Variants in ZFYVE28 observed in about 807,000 individuals in gnomAD.
ZFYVE28 encodes the protein zinc finger FYVE-type containing 28, also known as lateral signaling target protein 2 homolog.
Under a neutral mutation model 82.1 loss-of-function variants are expected in ZFYVE28, and 40 were observed. The ratio of observed to expected loss-of-function variants is 0.49; its 90% CI spans 0.38 to 0.63. The LOEUF (loss-of-function observed/expected upper bound fraction) is 0.63. ZFYVE28 is among the 30% of genes least tolerant of loss of function. The probability of loss-of-function intolerance (pLI) is 0.00; values close to 1 mark genes in which losing one functional copy is unlikely to be tolerated. For missense variants in ZFYVE28, 1,321 were observed against 1,242.1 expected, an observed-to-expected ratio of 1.06 and a Z score of -0.96; for synonymous variants, 612 against 546.1, an observed-to-expected ratio of 1.12 and a Z score of -1.68.
intron 8 of ZFYVE28, among the ~76,000 whole-genome samples, chr4:2,276,075 G>T (rs760517388): frequency 6.6e-6 from 1 of 152,244 alleles, no homozygotes; most frequent in Non-Finnish European, 1.5e-5. Context: ...ACACAGCCTC[G>T]TGACGTAAAC....
intron 1 of ZFYVE28, among the ~76,000 whole-genome samples, chr4:2,403,425 G>A (rs370202928): frequency 9.9e-4 from 151 of 152,356 alleles, no homozygotes; most frequent in African/African-American, 3.1e-3. Context: ...CTCGGAGCAC[G>A]GCCCTGGCCA....
At chr4:2,330,976 T>C (rs1244954142) in intron 6 of ZFYVE28, 1 of 1,533,866 alleles carries the variant, frequency 6.5e-7, no homozygotes, top group South Asian at 1.2e-5. Context: ...CTGAAGAGGA[T>C]CCGGCAACCA....
chr4:2,342,987 T>C (rs1032845311), intron 2 of ZFYVE28: 6 of 152,256 alleles, frequency 3.9e-5, no homozygotes, highest in African/African-American at 1.4e-4. Context: ...TCTGCTGTTG[T>C]AGCTGCTGCA....
chr4:2,412,195 G>A (rs1174533879), intron 1 of ZFYVE28, among the ~76,000 whole-genome samples: 1 of 152,200 alleles, frequency 6.6e-6, no homozygotes, highest in Non-Finnish European at 1.5e-5. Context: ...AGGGGTGGCA[G>A]GCCCCCACTG....
chr4:2,290,917 A>G (rs2108810971), intron 8 of ZFYVE28, among the ~76,000 whole-genome samples: 1 of 152,336 alleles, frequency 6.6e-6, no homozygotes, highest in Middle Eastern at 3.4e-3. Flanking sequence ...TCTTGAAAAG[A>G]TCCCACTATT....
chr4:2,337,725 G>A (rs1312251148), intron 4 of ZFYVE28, among the ~76,000 whole-genome samples: 5 of 152,230 alleles, frequency 3.3e-5, no homozygotes, highest in East Asian at 3.9e-4. Flanking sequence ...TAAAAAAGTC[G>A]GGTGTGGTGG....
Position 2,416,143 on chromosome 4 carries a change from G to A in ZFYVE28, c.39+2142C>T, listed in dbSNP as rs1022077235. 3.9e-5 allele frequency among the ~76,000 whole-genome samples: 6 copies of A among 152,372 alleles called. No homozygotes were observed. Among genetic ancestry groups the A allele is most frequent in the Admixed American group, 3.3e-4 (5 of 15,310 alleles). ...TGCCCGCCGCCTGCCTGGAAAGGCAGCTGCCTGCTGAAGAGGAAAAGTTGG... is the reference window on the plus strand; with the variant it reads ...TGCCCGCCGCCTGCCTGGAAAGGCAACTGCCTGCTGAAGAGGAAAAGTTGG... On this transcript the variant is annotated intron_variant, in intron 1 of 12. Transcript: ENST00000290974. The surrounding 1 kb of genome is among the most constrained non-coding windows in gnomAD (Gnocchi z 4.6).
At chr4:2,352,680 A>G (rs952280926) in intron 2 of ZFYVE28, among the ~76,000 whole-genome samples, 2 of 152,136 alleles carry the variant, frequency 1.3e-5, no homozygotes, top group Non-Finnish European at 2.9e-5. Context: ...ACGGTGATAC[A>G]TCCCAATTAA....
At chr4:2,365,178 G>A (rs1318600673) in intron 1 of ZFYVE28, among the ~76,000 whole-genome samples, 3 of 151,866 alleles carry the variant, frequency 2.0e-5, no homozygotes, top group Admixed American at 2.0e-4. Context: ...GGGGAGGCGC[G>A]GGCGGCAGGG....
chr4:2,310,812 A>T (rs890600679), intron 7 of ZFYVE28, among the ~76,000 whole-genome samples: 4 of 152,206 alleles, frequency 2.6e-5, no homozygotes, highest in African/African-American at 4.8e-5. Flanking sequence ...CAATAATTAT[A>T]AAAAAAGTTA....
chr4:2,287,539 C>T (rs12498586), intron 8 of ZFYVE28: 14,451 of 152,308 alleles, frequency 0.095, 989 homozygotes, highest in Admixed American at 0.19. Context: ...TGCGAGGAGG[C>T]GTTGATTTGC....
At position 2,306,747 on chromosome 4, in the gene ZFYVE28, G is replaced by A. The variant is rs148209099; in HGVS notation, c.804-1211C>T. 4.9e-3 allele frequency: 739 copies of A among 152,314 alleles called. 8 individuals carry two copies. The highest frequency in any genetic ancestry group is 0.017 in the African/African-American group (695 of 41,558). The allele number at this position is 152,314 out of a possible 1,614,324, so 9.4% of individuals were successfully genotyped here. A position where few individuals can be genotyped will look rare whatever the true frequency, so the allele number is the denominator to read the frequency against. On this transcript the variant is annotated intron_variant, in intron 7 of 12. Coordinates refer to ENST00000290974, the MANE Select transcript of ZFYVE28 (RefSeq NM_020972.3). ...AAATTCTAACTGAACTGGGCTTTCT[G>A]CTGTTGTATTACTAGATCTGGCAAC...
At chr4:2,368,797 A>G (rs984656387) in intron 1 of ZFYVE28, among the ~76,000 whole-genome samples, 1 of 152,342 alleles carries the variant, frequency 6.6e-6, no homozygotes, top group East Asian at 1.9e-4. Flanking sequence ...TTGTGGGGAC[A>G]TATGTTTTCA....
At chr4:2,353,835 A>AG in intron 2 of ZFYVE28, 98 bp downstream of exon 2, 1 of 1,275,490 alleles carries the variant, frequency 7.8e-7, no homozygotes, top group South Asian at 2.5e-5. Context: ...ACGCCACCAC[A>AG]GGGGGCCAGC....
chr4:2,272,870 G>A (rs1238497671), intron 10 of ZFYVE28, among the ~76,000 whole-genome samples: 1 of 152,256 alleles, frequency 6.6e-6, no homozygotes, highest in Non-Finnish European at 1.5e-5. Context: ...AGAAGCCGGG[G>A]CTGTGGGCAC....
Position 2,274,207 on chromosome 4 carries a change from T to C in ZFYVE28, c.2061A>G (p.Thr687=), listed in dbSNP as rs1736187632. 3.1e-6 allele frequency: 5 copies of C among 1,613,172 alleles called. No individual in the cohort carries two copies. Among genetic ancestry groups the C allele is most frequent in the Non-Finnish European group, 4.2e-6 (5 of 1,179,576 alleles). The change falls in exon 9 of 13, where the codon ACA becomes ACG. Residue 687 remains threonine (T), a synonymous_variant. Transcript: ENST00000290974. The part of the protein sequence containing the change: ...PQALSGSSSS[T]AGSCSSDKMG... The stretch of plus-strand genomic sequence containing the variant: ...TCTTGTCTGAGGAGCAGGACCCAGC[T>C]GTGGAGCTGCTGCATGGAGAAGGAG...
At chr4:2,399,921 G>T (rs769525610) in intron 1 of ZFYVE28, among the ~76,000 whole-genome samples, 1 of 152,220 alleles carries the variant, frequency 6.6e-6, no homozygotes, top group Admixed American at 6.5e-5. Context: ...AGGGCAGGGC[G>T]CCCACCGTGG....
chr4:2,298,988 C>T (rs1307678744), intron 8 of ZFYVE28, among the ~76,000 whole-genome samples: 1 of 152,146 alleles, frequency 6.6e-6, no homozygotes, highest in African/African-American at 2.4e-5. Flanking sequence ...GCACCACACG[C>T]GATCAACCAG....
In ZFYVE28 at chr4:2,353,959, GC is replaced by G; in HGVS notation, c.153del (p.Leu52TrpfsTer13). On this transcript the variant is annotated frameshift_variant, in exon 2 of 13. Transcript: ENST00000290974. LOFTEE classifies it high-confidence loss of function. The part of the protein sequence containing the change: ...DGRKDPQRCT[L>X]LVSQFRSCQD... Reference sequence around the variant, plus strand: ...TGACAGGAGCGGAACTGGCTGACCAGCAGCGTGCACCGCTGGGGGTCCTTCC... The same window carrying G: ...TGACAGGAGCGGAACTGGCTGACCAGAGCGTGCACCGCTGGGGGTCCTTCC... 6.4e-7 allele frequency: 1 copy of G among 1,563,906 alleles called. No homozygotes were observed. The highest frequency in any genetic ancestry group is 8.7e-7 in the Non-Finnish European group (1 of 1,155,028).
Sources: gnomAD v4.1 joint callset for allele counts (sites outside exome capture counted in the v4.1 genomes callset) on GRCh38, gnomAD v4.1.1 for gene constraint, Gnocchi (gnomAD v3.1) non-coding constraint, MANE v1.5 for transcripts, NCBI Gene and HGNC (gene_info 2026-07-23, HGNC 2026-07-21) for gene names.